The following STK32A variants were observed in gnomAD, a reference collection of about 807,000 sequenced individuals.
The protein encoded by STK32A is serine/threonine-protein kinase 32A.
In STK32A, 41 loss-of-function variants were observed where a neutral mutation model predicts 53.2. The observed-to-expected ratio is 0.77, with a 90% confidence interval of 0.60 to 1.00. STK32A has a LOEUF of 1.00. Among genes scored for constraint, STK32A ranks in the 50% least tolerant of loss-of-function variants. STK32A has a pLI of 0.00. For missense variants in STK32A, 458 were observed against 485.8 expected, an observed-to-expected ratio of 0.94 and a Z score of 0.54; for synonymous variants, 166 against 162.8, an observed-to-expected ratio of 1.02 and a Z score of -0.15.
At chr5:147,254,915 G>A (rs1035576956) in intron 2 of STK32A, among the ~76,000 whole-genome samples, 3 of 152,092 alleles carry the variant, frequency 2.0e-5, no homozygotes, top group South Asian at 2.1e-4. Context: ...AGAGGTGGGC[G>A]GATCACGAGG....
the STK32A span, chr5:147,400,892 C>CTTAGAG: frequency 6.3e-7 from 1 of 1,580,904 alleles, no homozygotes; most frequent in Non-Finnish European, 8.6e-7. Flanking sequence ...ACACTGGGAG[C>CTTAGAG]TTAGAGTCTT....
intron 4 of STK32A, among the ~76,000 whole-genome samples, chr5:147,294,675 T>G (rs1752781561): frequency 1.4e-5 from 2 of 145,822 alleles, no homozygotes; most frequent in African/African-American, 4.9e-5. Context: ...TAGTCATTTT[T>G]TTTTTCTTTT....
chr5:147,352,218 CAAAT>C (rs1284471070), intron 7 of STK32A, among the ~76,000 whole-genome samples: 2 of 152,082 alleles, frequency 1.3e-5, no homozygotes, highest in Non-Finnish European at 2.9e-5. Flanking sequence ...TCTCTAAAAA[CAAAT>C]AAATTATTTT....
chr5:147,256,509 GTTGTT>G (rs937671779), intron 2 of STK32A, among the ~76,000 whole-genome samples: 2 of 152,006 alleles, frequency 1.3e-5, no homozygotes, highest in Non-Finnish European at 2.9e-5. Context: ...TTGTTTTTTT[GTTGTT>G]TTGTTTTGTT....
chr5:147,324,176 T>A, intron 5 of STK32A, 105 bp downstream of exon 5: 1 of 1,195,570 alleles, frequency 8.4e-7, no homozygotes, highest in Non-Finnish European at 1.1e-6. Context: ...AATCCCCGTT[T>A]AATTCTTGAA....
In STK32A at chr5:147,261,886, C is replaced by G. The variant is rs376593770; in HGVS notation, c.53-16238C>G. On this transcript the variant is annotated intron_variant, in intron 2 of 12. Coordinates refer to ENST00000397936, the MANE Select transcript of STK32A (RefSeq NM_001112724.2). ...CACCAAAGGAGTCCATGCTATCCCC[C>G]CCAAGCTAAGACTGCTTCTGCTCAT... is the stretch of plus-strand genomic sequence containing the variant. 2.6e-3 allele frequency among the ~76,000 whole-genome samples: 360 copies of G among 138,438 alleles called. 14 individuals carry two copies. In the South Asian group the frequency reaches 0.075, roughly 29 times the overall value. 90.8% of individuals were successfully genotyped at this position (138,438 alleles called of 152,430 possible).
intron 4 of STK32A, among the ~76,000 whole-genome samples, chr5:147,310,764 C>A (rs1403511886): frequency 6.7e-6 from 1 of 149,610 alleles, no homozygotes; most frequent in Admixed American, 6.7e-5. Flanking sequence ...TTGGCTTGCC[C>A]TTTTATATGG....
rs12519887 is a variant in STK32A at position 147,327,030 on chromosome 5, T to C, written c.434+2959T>C. Reference sequence around the variant, plus strand: ...CACCATGCCCAGCTTCAAATAGACATTTTAATTCTGACAGTGTTCTGATAA... The same window carrying C: ...CACCATGCCCAGCTTCAAATAGACACTTTAATTCTGACAGTGTTCTGATAA... On this transcript the variant is annotated intron_variant, in intron 5 of 12. Transcript: ENST00000397936. Among the ~76,000 whole-genome samples, 2,057 of 152,304 alleles carry C rather than the reference T, an allele frequency of 0.014. 138 individuals are homozygous for C. In the East Asian group the frequency reaches 0.2, roughly 15 times the overall value.
chr5:147,386,397 C>G lies in STK32A; in HGVS notation c.*2414C>G, dbSNP rs1247159834. The G allele has an allele frequency of 6.6e-6, 1 of 152,186 alleles. No homozygotes were observed. Among genetic ancestry groups the G allele is most frequent in the African/African-American group, 2.4e-5 (1 of 41,430 alleles). The allele number at this position is 152,186 out of a possible 1,614,324, so 9.4% of individuals were successfully genotyped here. Reference sequence around the variant, plus strand: ...CCTTTATGTGCTGTGGACTCACCTCCCTAAGTAACCAGGTTCCTCCTCTCG... The same window carrying G: ...CCTTTATGTGCTGTGGACTCACCTCGCTAAGTAACCAGGTTCCTCCTCTCG... On this transcript the variant is annotated 3_prime_UTR_variant, in exon 13 of 13. Coordinates refer to ENST00000397936, the MANE Select transcript of STK32A (RefSeq NM_001112724.2).
At chr5:147,300,290 G>T (rs1753067365) in intron 4 of STK32A, among the ~76,000 whole-genome samples, 1 of 152,192 alleles carries the variant, frequency 6.6e-6, no homozygotes, top group Non-Finnish European at 1.5e-5. Flanking sequence ...CAGCTAGGAA[G>T]TGGCAGAGCG....
At chr5:147,391,201 C>T (rs961253815), downstream of STK32A, 11 of 152,572 alleles carry the variant, frequency 7.2e-5, no homozygotes, top group African/African-American at 2.7e-4. Flanking sequence ...AATCCAGGCT[C>T]AGGTGTCAGC....
At position 147,277,999 on chromosome 5, in the gene STK32A, AT is replaced by A. The variant is rs1382403640; in HGVS notation, c.53-121del. On this transcript the variant is annotated intron_variant, in intron 2 of 12. Coordinates refer to ENST00000397936, the MANE Select transcript of STK32A (RefSeq NM_001112724.2). ...ATGTTTACTGGATGATTAGATTGGC[AT>A]TTTAAGGTAGTCTGAGATCATGTTT... The A allele has an allele frequency of 2.6e-5, 20 of 775,796 alleles. No homozygotes were observed. The Admixed American group carries it at 2.7e-4, about 11-fold the overall frequency. 48.1% of individuals were successfully genotyped at this position (775,796 alleles called of 1,614,324 possible).
chr5:147,272,798 G>C (rs990747965), intron 2 of STK32A, among the ~76,000 whole-genome samples: 5 of 152,212 alleles, frequency 3.3e-5, no homozygotes, highest in African/African-American at 1.2e-4. Flanking sequence ...AGTCAGCTGA[G>C]TTAGGTTTAA....
rs1754464282 is a variant in STK32A at position 147,324,204 on chromosome 5, GTTGA to G, written c.434+137_434+140del. 8 of 942,418 alleles carry G rather than the reference GTTGA, an allele frequency of 8.5e-6. No individual in the cohort carries two copies. The South Asian group carries it at 1.0e-4, about 12-fold the overall frequency. 58.4% of individuals were successfully genotyped at this position (942,418 alleles called of 1,614,324 possible). ...TTCTTGAAACAGTACCCTGAGGTAG[GTTGA>G]TTGTCTTCATTTTGCAGATTTTGTA... On this transcript the variant is annotated intron_variant, in intron 5 of 12. Transcript: ENST00000397936.
chr5:147,395,075 G>A, the STK32A span, among the ~76,000 whole-genome samples: 2 of 152,218 alleles, frequency 1.3e-5, no homozygotes, highest in Non-Finnish European at 1.5e-5. Flanking sequence ...TGTTCAATCA[G>A]TGGTAGCTAG....
chr5:147,327,919 C>T (rs540749265), intron 5 of STK32A, among the ~76,000 whole-genome samples: 15 of 152,206 alleles, frequency 9.9e-5, no homozygotes, highest in East Asian at 7.7e-4. Context: ...ACATGTGGAA[C>T]GGACAGACAG....
intron 5 of STK32A, among the ~76,000 whole-genome samples, chr5:147,333,403 T>C (rs1310381403): frequency 6.6e-6 from 1 of 152,230 alleles, no homozygotes; most frequent in Admixed American, 6.5e-5. Flanking sequence ...CAAATCTTGT[T>C]ACACAGTTTT....
chr5:147,388,874 A>C (rs765263594), downstream of STK32A, among the ~76,000 whole-genome samples: 1 of 152,106 alleles, frequency 6.6e-6, no homozygotes, highest in Non-Finnish European at 1.5e-5. Context: ...TTAAGTGCTG[A>C]CTATTGCCTT....
At chr5:147,261,592 T>C (rs920368238) in intron 2 of STK32A, among the ~76,000 whole-genome samples, 2 of 152,190 alleles carry the variant, frequency 1.3e-5, no homozygotes, top group African/African-American at 4.8e-5. Flanking sequence ...ACGAGGAAGT[T>C]AAATTTAAAA....
Sources: allele counts gnomAD v4.1 joint callset (sites outside exome capture counted in the v4.1 genomes callset), GRCh38; gene constraint gnomAD v4.1.1; transcripts MANE v1.5; gene names NCBI Gene and HGNC (gene_info 2026-07-23, HGNC 2026-07-21).